OBI1: variants seen among roughly 807,000 people sequenced by gnomAD.
OBI1 encodes the protein ORC ubiquitin ligase 1.
In OBI1, 59 loss-of-function variants were observed where a neutral mutation model predicts 62.4. That is an observed-to-expected ratio of 0.95 (90% CI 0.77 to 1.17). OBI1 has a LOEUF of 1.17. Among genes scored for constraint, OBI1 ranks in the 50% most tolerant of loss-of-function variants. The pLI is 0.00. For synonymous variants in OBI1, 302 were observed against 292.8 expected (o/e 1.03, Z -0.32); for missense variants, 875 against 830.9 (o/e 1.05, Z -0.65).
intron 1 of OBI1, among the ~76,000 whole-genome samples, chr13:78,656,999 G>A (rs181678849): frequency 4.0e-5 from 6 of 151,822 alleles, no homozygotes; most frequent in Admixed American, 2.0e-4. Flanking sequence ...TGGCCATGCT[G>A]GTCTCAAACT....
At chr13:78,658,081 G>A (rs552303438) in intron 1 of OBI1, among the ~76,000 whole-genome samples, 3 of 152,258 alleles carry the variant, frequency 2.0e-5, no homozygotes, top group Admixed American at 6.5e-5. Flanking sequence ...AAACACCCCA[G>A]GCAGATCGTA....
chr13:78,628,577 T>C (rs1158964541), intron 5 of OBI1, among the ~76,000 whole-genome samples: 1 of 151,960 alleles, frequency 6.6e-6, no homozygotes, highest in Non-Finnish European at 1.5e-5. Context: ...GATGGAGGAG[T>C]TAAGAATTAG....
At chr13:78,653,429 C>A (rs529321285) in intron 1 of OBI1, among the ~76,000 whole-genome samples, 1 of 152,304 alleles carries the variant, frequency 6.6e-6, no homozygotes, top group Non-Finnish European at 1.5e-5. Context: ...GCTAGTGGGG[C>A]TGTTGTATCA....
chr13:78,618,699 T>TA (rs916964070), intron 5 of OBI1, among the ~76,000 whole-genome samples: 1 of 151,996 alleles, frequency 6.6e-6, no homozygotes, highest in African/African-American at 2.4e-5. Context: ...CTTCAACTTC[T>TA]AAAAAAACAC....
At chr13:78,641,746 G>A (rs982011491) in intron 3 of OBI1, among the ~76,000 whole-genome samples, 6 of 151,690 alleles carry the variant, frequency 4.0e-5, no homozygotes, top group Non-Finnish European at 5.9e-5. Flanking sequence ...GGTCAGACTG[G>A]CTTTCACAAG....
At chr13:78,638,410 GAT>G (rs1876092071) in intron 4 of OBI1, among the ~76,000 whole-genome samples, 1 of 152,150 alleles carries the variant, frequency 6.6e-6, no homozygotes, top group Non-Finnish European at 1.5e-5. Context: ...CAAAAGAAAA[GAT>G]AAGGTCAAAA....
rs572595665 is a variant in OBI1, at chr13:78,619,289, A to G, written c.639-2167T>C. Reference sequence around the variant, plus strand: ...TTTAGCTTGGAATTTCAAATATAGTATCATCTTAAGATACTGTATTTGCCT... The same window carrying G: ...TTTAGCTTGGAATTTCAAATATAGTGTCATCTTAAGATACTGTATTTGCCT... On this transcript the variant is annotated intron_variant, in intron 5 of 5. Coordinates refer to ENST00000282003, the MANE Select transcript of OBI1 (RefSeq NM_024546.4). 3.3e-5 allele frequency among the ~76,000 whole-genome samples: 5 copies of G among 151,906 alleles called. No individual in the cohort carries two copies. In the East Asian group the frequency reaches 9.7e-4, roughly 29 times the overall value.
chr13:78,634,208 C>T (rs1208869283), intron 5 of OBI1, among the ~76,000 whole-genome samples: 4 of 151,284 alleles, frequency 2.6e-5, no homozygotes, highest in African/African-American at 9.7e-5. Context: ...TGAACAATGT[C>T]CTAAATTCTA....
At chr13:78,619,441 G>A (rs1178251376) in intron 5 of OBI1, among the ~76,000 whole-genome samples, 2 of 151,708 alleles carry the variant, frequency 1.3e-5, no homozygotes, top group Non-Finnish European at 2.9e-5. Flanking sequence ...AAGTAACAAA[G>A]GCCAGTAGCA....
At chr13:78,642,234 A>T in intron 2 of OBI1, 21 bp from the exon 3 acceptor site, 1 of 1,351,142 alleles carries the variant, frequency 7.4e-7, no homozygotes. Context: ...AAAAAAAAAA[A>T]TCCTAATTTT....
At chr13:78,635,227 C>A (rs1487603720) in intron 4 of OBI1, 29 bp from the exon 5 acceptor site, 1 of 1,309,680 alleles carries the variant, frequency 7.6e-7, no homozygotes, top group South Asian at 1.2e-5. Flanking sequence ...AATAAGTAAG[C>A]AAAAGCTACA....
intron 3 of OBI1, among the ~76,000 whole-genome samples, chr13:78,641,427 T>C (rs1876212661): frequency 6.6e-6 from 1 of 152,128 alleles, no homozygotes; most frequent in Non-Finnish European, 1.5e-5. Context: ...ACAGTTAAAC[T>C]GAAAGATATT....
intron 2 of OBI1, among the ~76,000 whole-genome samples, chr13:78,644,204 T>C (rs1355207554): frequency 2.0e-5 from 3 of 152,224 alleles, no homozygotes; most frequent in African/African-American, 7.2e-5. Flanking sequence ...ACAAGTAATA[T>C]TTGTAAAGCA....
At chr13:78,649,050 A>G (rs1251441147) in intron 1 of OBI1, among the ~76,000 whole-genome samples, 12 of 152,264 alleles carry the variant, frequency 7.9e-5, no homozygotes, top group Non-Finnish European at 1.2e-4. Flanking sequence ...GGCAAAGACA[A>G]GAAAAGCAGA....
Position 78,616,764 on chromosome 13 carries a change from T to C in OBI1, c.997A>G (p.Lys333Glu), listed in dbSNP as rs762037289. 6.2e-7 allele frequency: 1 copy of C among 1,614,230 alleles called. No homozygotes were observed. Among genetic ancestry groups the C allele is most frequent in the Non-Finnish European group, 8.5e-7 (1 of 1,180,038 alleles). The change falls in exon 6 of 6, where the codon AAA becomes GAA. Residue 333 changes from lysine (K) to glutamate (E), a missense_variant. Transcript: ENST00000282003. ...TTCTTAGAACAGTTAAGGTCTGCTTTGCTGGTACTTTCCTGCCTTGCAGAA... is the reference window on the plus strand; with the variant it reads ...TTCTTAGAACAGTTAAGGTCTGCTTCGCTGGTACTTTCCTGCCTTGCAGAA... ...TSSARQESTSKADLNCSKNKD... is the reference protein window; with the variant it reads ...TSSARQESTSEADLNCSKNKD...
At chr13:78,649,065 G>A (rs563574695) in intron 1 of OBI1, among the ~76,000 whole-genome samples, 3 of 152,248 alleles carry the variant, frequency 2.0e-5, no homozygotes, top group Admixed American at 6.5e-5. Context: ...AGCAGATTTC[G>A]CACAAGGTAA....
intron 1 of OBI1, among the ~76,000 whole-genome samples, chr13:78,656,900 C>G (rs1296026621): frequency 6.8e-6 from 1 of 147,624 alleles, no homozygotes; most frequent in Admixed American, 6.8e-5. Context: ...CAGGTTCAAG[C>G]AATTCTCCTG....
intron 1 of OBI1, among the ~76,000 whole-genome samples, chr13:78,651,828 G>A (rs1876553412): frequency 6.6e-6 from 1 of 152,168 alleles, no homozygotes; most frequent in South Asian, 2.1e-4. Context: ...ACAATAGGGT[G>A]AGTGTCCTTC....
In OBI1 at chr13:78,638,826, C is replaced by T. The variant is rs1250229697; in HGVS notation, c.546G>A (p.Lys182=). ...EKVKDDVDKL[K]EANKKLKLEN... is the part of the protein sequence containing the mutation. ...ATTTTTAAAAACCACAACTTACCTCCTTTAGCTTATCCACATCATCTTTCA... is the reference window on the plus strand; with the variant it reads ...ATTTTTAAAAACCACAACTTACCTCTTTTAGCTTATCCACATCATCTTTCA... Residue 182 remains lysine (K), a synonymous_variant, in exon 4 of 6, where the codon AAG becomes AAA. Transcript: ENST00000282003. 2 of 1,610,662 alleles carry T rather than the reference C, an allele frequency of 1.2e-6. No homozygotes were observed. Among genetic ancestry groups the T allele is most frequent in the Non-Finnish European group, 1.7e-6 (2 of 1,179,194 alleles).
Sources: gnomAD v4.1 joint callset for allele counts (sites outside exome capture counted in the v4.1 genomes callset) on GRCh38, gnomAD v4.1.1 for gene constraint, MANE v1.5 for transcripts, NCBI Gene and HGNC (gene_info 2026-07-23, HGNC 2026-07-21) for gene names.